MINDY2: variants seen among roughly 807,000 people sequenced by gnomAD.
MINDY2 encodes the protein MINDY lysine 48 deubiquitinase 2.
In MINDY2, 52 loss-of-function variants were observed where a neutral mutation model predicts 68.2. The ratio of observed to expected loss-of-function variants is 0.76; its 90% CI spans 0.61 to 0.96. The LOEUF (loss-of-function observed/expected upper bound fraction) is 0.96. Ranked by LOEUF, MINDY2 falls within the 40% of genes least tolerant of loss-of-function variation. The pLI is 0.00. For synonymous variants in MINDY2, 372 were observed against 303.0 expected, an observed-to-expected ratio of 1.23 and a Z score of -2.36; for missense variants, 881 against 773.4, an observed-to-expected ratio of 1.14 and a Z score of -1.65.
chr15:58,835,353 A>G (rs2031941146), intron 6 of MINDY2, among the ~76,000 whole-genome samples: 1 of 152,134 alleles, frequency 6.6e-6, no homozygotes. Flanking sequence ...AGAAGGTCAC[A>G]TTTAAAATGA....
chr15:58,851,893 A>C lies in MINDY2; in HGVS notation c.1665A>C (p.Arg555Ser). 1 of 1,613,200 alleles carries C rather than the reference A, an allele frequency of 6.2e-7. No individual in the cohort carries two copies. The change falls in exon 8 of 9, where the codon AGA becomes AGC. Residue 555 changes from arginine to serine, a missense_variant. Physicochemically the swap from Arg to Ser is moderately radical, Grantham distance 110. Coordinates refer to ENST00000559228, the MANE Select transcript of MINDY2 (RefSeq NM_001040450.3). The stretch of plus-strand genomic sequence containing the variant: ...AGAAACTCCAAGAGGAAGAGGACAG[A>C]CGGGCTTCTCAATACTATCAGGAAC... The part of the protein sequence containing the change: ...LAKKLQEEED[R>S]RASQYYQEQE...
Position 58,771,889 on chromosome 15 carries a change from G to A in MINDY2, c.494G>A (p.Ser165Asn), listed in dbSNP as rs1369238124. Residue 165 changes from serine to asparagine, a missense_variant, in exon 1 of 9, where the codon AGC (serine) becomes AAC (asparagine). Coordinates refer to ENST00000559228, the MANE Select transcript of MINDY2 (RefSeq NM_001040450.3). The part of the protein sequence containing the change: ...GGLSSSCSDP[S>N]PPGESPSLDS... ...CTCAGCAGCAGTTGCAGCGACCCGA[G>A]CCCTCCTGGGGAATCTCCGAGCCTG... 2.5e-6 allele frequency: 4 copies of A among 1,569,918 alleles called. No individual in the cohort carries two copies. The highest frequency in any genetic ancestry group is 2.4e-5 in the South Asian group (2 of 84,226).
intron 8 of MINDY2, 35 bp from the exon 9 acceptor site, chr15:58,854,447 T>G: frequency 6.3e-7 from 1 of 1,597,838 alleles, no homozygotes; most frequent in South Asian, 1.1e-5. Context: ...CTCAGAATAG[T>G]TAGAGTAATT....
intron 8 of MINDY2, among the ~76,000 whole-genome samples, chr15:58,854,176 G>T (rs1595790282): frequency 6.6e-6 from 1 of 151,622 alleles, no homozygotes; most frequent in African/African-American, 2.4e-5. Flanking sequence ...CCCAGGAAGT[G>T]GAGGTTGCAG....
intron 4 of MINDY2, among the ~76,000 whole-genome samples, chr15:58,815,900 G>C (rs1328761360): frequency 6.6e-6 from 1 of 151,578 alleles, no homozygotes; most frequent in Non-Finnish European, 1.5e-5. Context: ...GGATGGTCTC[G>C]ATCTCTTGAC....
At chr15:58,831,037 G>GTATA (rs549317915) in intron 5 of MINDY2, among the ~76,000 whole-genome samples, 1,376 of 110,310 alleles carry the variant, frequency 0.012, 27 homozygotes, top group African/African-American at 0.044. Flanking sequence ...GTGTGTGTGT[G>GTATA]TGTGTATATA....
At chr15:58,806,619 A>AT (rs1245303806) in intron 3 of MINDY2, among the ~76,000 whole-genome samples, 1 of 152,136 alleles carries the variant, frequency 6.6e-6, no homozygotes, top group African/African-American at 2.4e-5. Flanking sequence ...TAGCAAATAT[A>AT]TGAAGGTATA....
chr15:58,824,944 A>G (rs965797971), intron 5 of MINDY2, among the ~76,000 whole-genome samples: 6 of 152,172 alleles, frequency 3.9e-5, no homozygotes, highest in Admixed American at 2.0e-4. Flanking sequence ...TGCTGCAACT[A>G]CAGGCATAAG....
intron 3 of MINDY2, among the ~76,000 whole-genome samples, chr15:58,802,841 T>C (rs1348609683): frequency 6.6e-6 from 1 of 152,248 alleles, no homozygotes; most frequent in Non-Finnish European, 1.5e-5. Flanking sequence ...TTTCTTGGCA[T>C]GTTCTTTAGA....
rs1328708061 is a variant in MINDY2 at position 58,861,708 on chromosome 15, G to C, written c.*7098G>C. ...AGATGGTAAAGTATAAAATATTTCT[G>C]ACAGAATTATTCAGTATTATTCAAC... is the stretch of plus-strand genomic sequence containing the variant. On this transcript the variant is annotated 3_prime_UTR_variant, in exon 9 of 9. Transcript: ENST00000559228. 1 of 152,102 alleles carries C rather than the reference G, an allele frequency of 6.6e-6. No homozygotes were observed. Among genetic ancestry groups the C allele is most frequent in the Admixed American group, 6.6e-5 (1 of 15,248 alleles). 9.4% of individuals were successfully genotyped at this position (152,102 alleles called of 1,614,324 possible).
At position 58,831,041 on chromosome 15, in the gene MINDY2, G is replaced by GTGTGTGTGTATATATA. The variant is rs565786025; in HGVS notation, c.1226-732_1226-731insGTGTGTGTATATATAT. 1.7e-4 allele frequency among the ~76,000 whole-genome samples: 21 copies of GTGTGTGTGTATATATA among 124,918 alleles called. No individual in the cohort carries two copies. The South Asian group carries it at 2.0e-3, about 12-fold the overall frequency. The allele number at this position is 124,918 out of a possible 152,430, so 82.0% of individuals were successfully genotyped here. On this transcript the variant is annotated intron_variant, in intron 5 of 8. Transcript: ENST00000559228. ...TGTGTGTGTGTGTGTGTGTGTGTGT[G>GTGTGTGTGTATATATA]TATATATATATATATATATGTTTTA...
At chr15:58,792,195 CT>C (rs1470674930) in intron 2 of MINDY2, among the ~76,000 whole-genome samples, 1 of 152,196 alleles carries the variant, frequency 6.6e-6, no homozygotes, top group East Asian at 1.9e-4. Context: ...AATACAGCCA[CT>C]TTGGAAAGCA....
chr15:58,793,973 G>A (rs1257054503), intron 2 of MINDY2, among the ~76,000 whole-genome samples: 2 of 152,124 alleles, frequency 1.3e-5, no homozygotes, highest in South Asian at 2.1e-4. Context: ...TCTCAGTCAC[G>A]TTCAGCTGCA....
At chr15:58,806,795 T>G (rs1401170986) in intron 3 of MINDY2, among the ~76,000 whole-genome samples, 1 of 152,176 alleles carries the variant, frequency 6.6e-6, no homozygotes, top group Non-Finnish European at 1.5e-5. Context: ...TGCTGTAGAT[T>G]TAAGAAAAGT....
intron 4 of MINDY2, among the ~76,000 whole-genome samples, chr15:58,821,367 A>G (rs2031050860): frequency 6.6e-6 from 1 of 151,666 alleles, no homozygotes; most frequent in Admixed American, 6.6e-5. Flanking sequence ...GCTGGGAGAA[A>G]AAAATGGATA....
At chr15:58,817,099 G>T (rs572087172) in intron 4 of MINDY2, among the ~76,000 whole-genome samples, 79 of 152,280 alleles carry the variant, frequency 5.2e-4, no homozygotes, top group African/African-American at 1.8e-3. Flanking sequence ...TAACTGTAAG[G>T]AAACATTAGT....
chr15:58,802,295 C>G lies in MINDY2; in HGVS notation c.899-18C>G, dbSNP rs190973169. 0.017 allele frequency: 22,819 copies of G among 1,304,756 alleles called. 90 individuals carry two copies. The highest frequency in any genetic ancestry group is 0.039 in the South Asian group (2,797 of 71,230). The allele number at this position is 1,304,756 out of a possible 1,614,324, so 80.8% of individuals were successfully genotyped here. ...GTTTTTAAAAGGCAATTTTACAATT[C>G]TTTTTTTTTTTTTACAGGAGATTAC... On this transcript the variant is annotated intron_variant, in intron 2 of 8. Coordinates refer to ENST00000559228, the MANE Select transcript of MINDY2 (RefSeq NM_001040450.3).
chr15:58,819,982 T>C (rs1360625740), intron 4 of MINDY2, among the ~76,000 whole-genome samples: 1 of 152,164 alleles, frequency 6.6e-6, no homozygotes, highest in Non-Finnish European at 1.5e-5. Flanking sequence ...GTTTAAGATA[T>C]GGGCCAGGCA....
chr15:58,829,588 C>A (rs2031604264), intron 5 of MINDY2, among the ~76,000 whole-genome samples: 1 of 152,132 alleles, frequency 6.6e-6, no homozygotes, highest in African/African-American at 2.4e-5. Flanking sequence ...TGAAAGGGAT[C>A]TGTGGAGAGG....
Sources: allele counts gnomAD v4.1 joint callset (sites outside exome capture counted in the v4.1 genomes callset), GRCh38; gene constraint gnomAD v4.1.1; transcripts MANE v1.5; gene names NCBI Gene and HGNC (gene_info 2026-07-23, HGNC 2026-07-21).